Variants in PAXBP1 observed in about 807,000 individuals in gnomAD.
The protein encoded by PAXBP1 is PAX3- and PAX7-binding protein 1.
PAXBP1 carries 44 observed loss-of-function variants against 119.9 expected under a neutral mutation model. The ratio of observed to expected loss-of-function variants is 0.37; its 90% CI spans 0.29 to 0.47. The LOEUF is 0.47. Ranked by LOEUF, PAXBP1 falls within the 20% of genes least tolerant of loss-of-function variation. The probability of loss-of-function intolerance (pLI) is 0.99; values close to 1 mark genes in which losing one functional copy is unlikely to be tolerated. For synonymous variants in PAXBP1, 393 were observed against 406.6 expected (o/e 0.97, Z 0.40); for missense variants, 898 against 1,134.1 (o/e 0.79, Z 2.99).
chr21:32,748,825 T>C (rs2043915125), intron 10 of PAXBP1, 127 bp from the exon 11 acceptor site: 6 of 728,598 alleles, frequency 8.2e-6, no homozygotes, highest in South Asian at 2.2e-5. Flanking sequence ...AAAGGGCCAA[T>C]TGTTAGTCAC....
At position 32,741,383 on chromosome 21, in the gene PAXBP1, T is replaced by C. The variant is rs1416114943; in HGVS notation, c.2334+1865A>G. 16 of 510,390 alleles carry C rather than the reference T, an allele frequency of 3.1e-5. No individual in the cohort carries two copies. In the East Asian group the frequency reaches 4.9e-4, roughly 16 times the overall value. 31.6% of individuals were successfully genotyped at this position (510,390 alleles called of 1,614,324 possible). ...ATAAATTTATTTGATCACAGTTTTA[T>C]GTAACATGACAGCCTTCAGAATGAA... On this transcript the variant is annotated intron_variant, in intron 15 of 17. Coordinates refer to ENST00000331923, the MANE Select transcript of PAXBP1 (RefSeq NM_016631.4).
At chr21:32,743,113 G>A in intron 15 of PAXBP1, 135 bp downstream of exon 15, 5 of 752,436 alleles carry the variant, frequency 6.6e-6, no homozygotes, top group Non-Finnish European at 9.5e-6. Context: ...AAAATACTTT[G>A]TAAAATGGAG....
chr21:32,771,672 CG>C lies in PAXBP1; in HGVS notation c.-5del, dbSNP rs2044360589. Reference sequence around the variant, plus strand: ...CCCGCCGGGCCTTTCGGAACATCCCCGCGGCCCGCACGGCGGTCGAATACTC... The same window carrying C: ...CCCGCCGGGCCTTTCGGAACATCCCCCGGCCCGCACGGCGGTCGAATACTC... On this transcript the variant is annotated 5_prime_UTR_variant, in exon 1 of 18. Transcript: ENST00000331923. The C allele has an allele frequency of 7.1e-7, 1 of 1,405,928 alleles. No individual in the cohort carries two copies. Among genetic ancestry groups the C allele is most frequent in the African/African-American group, 1.5e-5 (1 of 66,216 alleles). 87.1% of individuals were successfully genotyped at this position (1,405,928 alleles called of 1,614,324 possible).
intron 2 of PAXBP1, among the ~76,000 whole-genome samples, chr21:32,766,145 C>G (rs758384681): frequency 6.6e-6 from 1 of 152,102 alleles, no homozygotes; most frequent in African/African-American, 2.4e-5. Flanking sequence ...AAAAACAAAA[C>G]AAATTTACCC....
chr21:32,737,111 T>C lies in PAXBP1; in HGVS notation c.2636+143A>G, dbSNP rs997492835. Reference sequence around the variant, plus strand: ...AAGTAAAAACTGCTAAAATGAAAAATTATGTGCATTTTTGGTAGGTTTATA... The same window carrying C: ...AAGTAAAAACTGCTAAAATGAAAAACTATGTGCATTTTTGGTAGGTTTATA... On this transcript the variant is annotated intron_variant, in intron 17 of 17. Coordinates refer to ENST00000331923, the MANE Select transcript of PAXBP1 (RefSeq NM_016631.4). 7.4e-5 allele frequency: 49 copies of C among 661,020 alleles called. No individual in the cohort carries two copies. In the African/African-American group the frequency reaches 8.3e-4, roughly 11 times the overall value. 40.9% of individuals were successfully genotyped at this position (661,020 alleles called of 1,614,324 possible).
At chr21:32,735,114 G>T in intron 17 of PAXBP1, 47 bp from the exon 18 acceptor site, 2 of 1,329,916 alleles carry the variant, frequency 1.5e-6, no homozygotes, top group South Asian at 1.3e-5. Context: ...GTATATCTAA[G>T]AGAAAATTTG....
At chr21:32,736,394 G>T (rs2043693448) in intron 17 of PAXBP1, among the ~76,000 whole-genome samples, 1 of 151,918 alleles carries the variant, frequency 6.6e-6, no homozygotes, top group African/African-American at 2.4e-5. Flanking sequence ...TCACCATGTT[G>T]GCCAGGATGG....
intron 2 of PAXBP1, among the ~76,000 whole-genome samples, chr21:32,764,774 ATGCAT>A (rs1403836461): frequency 6.6e-6 from 1 of 152,230 alleles, no homozygotes; most frequent in Non-Finnish European, 1.5e-5. Context: ...GTAATAAAGG[ATGCAT>A]TTGAGGCCCT....
chr21:32,743,505 G>A (rs888856065), intron 14 of PAXBP1, among the ~76,000 whole-genome samples, 173 bp downstream of exon 14: 4 of 152,160 alleles, frequency 2.6e-5, no homozygotes, highest in Admixed American at 6.5e-5. Flanking sequence ...CAGGGAGAAC[G>A]TAAGAGTATT....
chr21:32,744,285 A>G (rs1569156447), intron 13 of PAXBP1, among the ~76,000 whole-genome samples: 1 of 151,226 alleles, frequency 6.6e-6, no homozygotes, highest in African/African-American at 2.4e-5. Context: ...AAGAAAAAAA[A>G]AAAGGAGGGG....
chr21:32,745,035 T>A, intron 12 of PAXBP1, 122 bp from the exon 13 acceptor site: 1 of 1,083,858 alleles, frequency 9.2e-7, no homozygotes, highest in Non-Finnish European at 1.3e-6. Flanking sequence ...ATATAAGCTT[T>A]AGTCTTCTTT....
chr21:32,746,153 C>G (rs781403392), intron 11 of PAXBP1, among the ~76,000 whole-genome samples: 38 of 152,140 alleles, frequency 2.5e-4, no homozygotes, highest in Non-Finnish European at 4.0e-4. Context: ...AACCCCAAAA[C>G]TATAAAAATC....
In PAXBP1 at chr21:32,743,752, T is replaced by C; in HGVS notation, c.2193A>G (p.Val731=). The change falls in exon 14 of 18, where the codon GTA becomes GTG. Residue 731 remains valine, a splice_region_variant and synonymous_variant. Transcript: ENST00000331923. Reference sequence around the variant, plus strand: ...TTCTCAATAAAAGTGCCTTTAGGTATACCTAAAAAGTTAAAAGTAGATCAC... The same window carrying C: ...TTCTCAATAAAAGTGCCTTTAGGTACACCTAAAAAGTTAAAAGTAGATCAC... ...VVNAENKNTQ[V]YLKALLLRMR... is the part of the protein sequence containing the mutation. 2 of 1,562,768 alleles carry C rather than the reference T, an allele frequency of 1.3e-6. No individual in the cohort carries two copies. The highest frequency in any genetic ancestry group is 1.1e-5 in the South Asian group (1 of 87,764).
intron 4 of PAXBP1, among the ~76,000 whole-genome samples, chr21:32,761,382 T>G (rs1297402577): frequency 6.6e-6 from 1 of 152,248 alleles, no homozygotes; most frequent in African/African-American, 2.4e-5. Flanking sequence ...AGTTAAAATC[T>G]TGGATGTGTT....
intron 15 of PAXBP1, among the ~76,000 whole-genome samples, chr21:32,739,938 T>TAA (rs756477858): frequency 0.19 from 9,087 of 46,716 alleles, 1,662 homozygotes; most frequent in Non-Finnish European, 0.25. Context: ...CTCGTCTCTT[T>TAA]AAAAAAAAAA....
Position 32,742,545 on chromosome 21 carries a change from T to C in PAXBP1, c.2334+703A>G, listed in dbSNP as rs911688306. ...TGTGCCCCTTGTCATATGTTCCACATTACCTTGAATGTCCCCTTTCATAAC... is the reference window on the plus strand; with the variant it reads ...TGTGCCCCTTGTCATATGTTCCACACTACCTTGAATGTCCCCTTTCATAAC... On this transcript the variant is annotated intron_variant, in intron 15 of 17. Coordinates refer to ENST00000331923, the MANE Select transcript of PAXBP1 (RefSeq NM_016631.4). 2.0e-5 allele frequency: 3 copies of C among 152,802 alleles called. No homozygotes were observed. The East Asian group carries it at 5.8e-4, about 29-fold the overall frequency. The allele number at this position is 152,802 out of a possible 1,614,324, so 9.5% of individuals were successfully genotyped here.
chr21:32,759,276 A>T lies in PAXBP1; in HGVS notation c.1194-7T>A. 6.2e-7 allele frequency: 1 copy of T among 1,612,544 alleles called. No homozygotes were observed. The highest frequency in any genetic ancestry group is 8.5e-7 in the Non-Finnish European group (1 of 1,179,228). ...TTCTTTCATGGAGTCCAACCTTAGG[A>T]ACACAAAAGGATAAATATAACACAT... On this transcript the variant is annotated splice_region_variant and splice_polypyrimidine_tract_variant and intron_variant, in intron 6 of 17. Coordinates refer to ENST00000331923, the MANE Select transcript of PAXBP1 (RefSeq NM_016631.4).
chr21:32,759,314 G>T (rs759027135), intron 6 of PAXBP1, 45 bp from the exon 7 acceptor site: 5 of 1,554,382 alleles, frequency 3.2e-6, no homozygotes, highest in Non-Finnish European at 4.4e-6. Context: ...ACATCCAAAG[G>T]TCTATGGTGT....
Position 32,764,453 on chromosome 21 carries a change from G to A in PAXBP1, c.544C>T (p.His182Tyr). ...NQEDGVIISE[H>Y]GEDEMDMESE... ...TCCATATCCATTTCATCTTCACCAT[G>A]TTCACTGATGATAACTCCATCTTCT... Residue 182 changes from histidine to tyrosine, a missense_variant, in exon 3 of 18, where the codon CAT (histidine) becomes TAT (tyrosine). By Grantham distance (83) the His-to-Tyr change is moderately conservative. Transcript: ENST00000331923. 1.2e-6 allele frequency: 2 copies of A among 1,613,650 alleles called. No individual in the cohort carries two copies. The highest frequency in any genetic ancestry group is 2.2e-5 in the East Asian group (1 of 44,784).
Sources: allele counts gnomAD v4.1 joint callset (sites outside exome capture counted in the v4.1 genomes callset), GRCh38; gene constraint gnomAD v4.1.1; transcripts MANE v1.5; gene names NCBI Gene and HGNC (gene_info 2026-07-23, HGNC 2026-07-21).